BCAR3: variants seen among roughly 807,000 people sequenced by gnomAD.
BCAR3 encodes the protein BCAR3 adaptor protein, NSP family member, also known as breast cancer anti-estrogen resistance protein 3.
A neutral mutation model predicts 80.1 loss-of-function variants in BCAR3; 37 were observed. The ratio of observed to expected loss-of-function variants is 0.46; its 90% CI spans 0.36 to 0.61. The LOEUF (loss-of-function observed/expected upper bound fraction) is 0.61, where lower values mean the gene tolerates loss of function less well. Ranked by LOEUF, BCAR3 falls within the 20% of genes least tolerant of loss-of-function variation. The pLI, the probability that BCAR3 is intolerant of heterozygous loss-of-function variation, is 0.00. For missense variants in BCAR3, 978 were observed against 1,068.2 expected (o/e 0.92, Z 1.18); for synonymous variants, 389 against 418.9 (o/e 0.93, Z 0.87).
chr1:93,755,042 C>T (rs908308185), intron 2 of BCAR3, among the ~76,000 whole-genome samples: 8 of 151,734 alleles, frequency 5.3e-5, no homozygotes, highest in Admixed American at 3.3e-4. Context: ...ATCGTGTGTG[C>T]TTGTGTCTTA....
intron 3 of BCAR3, among the ~76,000 whole-genome samples, chr1:93,604,922 CAGT>C (rs1171456991): frequency 6.6e-6 from 1 of 152,204 alleles, no homozygotes; most frequent in Admixed American, 6.5e-5. Flanking sequence ...TTCTTGACCC[CAGT>C]GAGTTTGCCC....
rs554925002 is a variant in BCAR3, at chr1:93,625,104, G to A, written c.357+17200C>T. 5.3e-5 allele frequency among the ~76,000 whole-genome samples: 8 copies of A among 152,290 alleles called. No homozygotes were observed. In the East Asian group the frequency reaches 5.8e-4, roughly 11 times the overall value. ...CGGGGGCCTGTAGTCCCAGCTACTC[G>A]GGAGGCTGAGGCAGGAGAATGGCGT... is the stretch of plus-strand genomic sequence containing the variant. On this transcript the variant is annotated intron_variant, in intron 3 of 11. Transcript: ENST00000260502.
chr1:93,767,008 G>A (rs887753818), intron 2 of BCAR3, among the ~76,000 whole-genome samples: 1 of 151,800 alleles, frequency 6.6e-6, no homozygotes, highest in African/African-American at 2.4e-5. Flanking sequence ...TTCAATCCTA[G>A]GCAGCAAATG....
chr1:93,752,450 T>C (rs1337535174), intron 2 of BCAR3, among the ~76,000 whole-genome samples: 1 of 152,238 alleles, frequency 6.6e-6, no homozygotes, highest in African/African-American at 2.4e-5. Flanking sequence ...CACCCACGGC[T>C]GCAGACATTT....
intron 2 of BCAR3, among the ~76,000 whole-genome samples, chr1:93,757,852 T>C (rs991233903): frequency 1.3e-5 from 2 of 152,222 alleles, no homozygotes; most frequent in African/African-American, 4.8e-5. Context: ...AAACAGACTT[T>C]GAGAAGGAAA....
intron 2 of BCAR3, among the ~76,000 whole-genome samples, chr1:93,825,988 T>G (rs59444123): frequency 0.092 from 13,950 of 152,190 alleles, 1,304 homozygotes; most frequent in African/African-American, 0.23. Context: ...AGAAGAAAAT[T>G]CTCTAACTCT....
chr1:93,762,193 A>C (rs569453891), intron 2 of BCAR3, among the ~76,000 whole-genome samples: 16 of 152,318 alleles, frequency 1.1e-4, no homozygotes, highest in Non-Finnish European at 2.2e-4. Flanking sequence ...GAAGACAGAC[A>C]CATCTCACTC....
chr1:93,681,149 C>A, intron 1 of BCAR3: 1 of 152,288 alleles, frequency 6.6e-6, no homozygotes, highest in Non-Finnish European at 1.5e-5. Context: ...TCCACCAGAG[C>A]GCTCTGGGCC....
chr1:93,692,905 T>C (rs1649246447), intron 3 of BCAR3, among the ~76,000 whole-genome samples: 1 of 152,136 alleles, frequency 6.6e-6, no homozygotes, highest in African/African-American at 2.4e-5. Flanking sequence ...GTTTCAGACA[T>C]AGGGTCAGAG....
At chr1:93,659,353 T>G (rs935469472) in intron 2 of BCAR3, among the ~76,000 whole-genome samples, 4 of 151,684 alleles carry the variant, frequency 2.6e-5, no homozygotes, top group Admixed American at 6.6e-5. Flanking sequence ...CCTGGCTAAT[T>G]TTTTTATTTT....
At chr1:93,765,596 C>T (rs1407791534) in intron 2 of BCAR3, among the ~76,000 whole-genome samples, 2 of 152,120 alleles carry the variant, frequency 1.3e-5, no homozygotes, top group Non-Finnish European at 2.9e-5. Flanking sequence ...AGTTTCCTCC[C>T]ACTCCCTTTA....
intron 2 of BCAR3, among the ~76,000 whole-genome samples, chr1:93,779,359 A>C (rs1652688899): frequency 6.6e-6 from 1 of 152,216 alleles, no homozygotes; most frequent in Non-Finnish European, 1.5e-5. Flanking sequence ...AGTGGAGAAT[A>C]GGGTAGAGAA....
chr1:93,747,608 C>G (rs559584142), intron 2 of BCAR3, among the ~76,000 whole-genome samples: 1 of 151,648 alleles, frequency 6.6e-6, no homozygotes, highest in South Asian at 2.1e-4. Flanking sequence ...CCTATCAAAA[C>G]AGCCTCCTAG....
chr1:93,724,656 C>G lies in BCAR3; in HGVS notation c.-62-18514G>C, dbSNP rs370651795. Among the ~76,000 whole-genome samples, 269 of 152,286 alleles carry G rather than the reference C, an allele frequency of 1.8e-3. 1 individual carries two copies. Among genetic ancestry groups the G allele is most frequent in the African/African-American group, 6.3e-3 (260 of 41,552 alleles). On this transcript the variant is annotated intron_variant, in intron 2 of 13. Transcript: ENST00000370244. ...CCACCCAGCCTGGTGTCCAAGGACT[C>G]TCATCTGGGAAAGGTCCCATCTAGT...
intron 1 of BCAR3, among the ~76,000 whole-genome samples, chr1:93,680,294 T>C (rs74101663): frequency 0.015 from 2,348 of 152,334 alleles, 64 homozygotes; most frequent in African/African-American, 0.052. Flanking sequence ...ATCCTGGAAA[T>C]GCCAGCCTTC....
rs191994685 is a variant in BCAR3, at chr1:93,838,239, G to A, written c.-63+7328C>T. ...GTTCAAGGGCATGGCCCTGCTTCCC[G>A]CAAGGGCTTTTGTGCTGCATCACAA... On this transcript the variant is annotated intron_variant, in intron 2 of 13. Coordinates refer to the BCAR3 transcript ENST00000370244. 5.9e-5 allele frequency among the ~76,000 whole-genome samples: 9 copies of A among 152,314 alleles called. No homozygotes were observed. In the East Asian group the frequency reaches 1.2e-3, roughly 20 times the overall value.
chr1:93,717,680 A>G (rs1340078615), intron 2 of BCAR3, among the ~76,000 whole-genome samples: 2 of 149,722 alleles, frequency 1.3e-5, no homozygotes, highest in African/African-American at 5.0e-5. Flanking sequence ...GTGAGCCGAG[A>G]TCGTGCCGCT....
At chr1:93,766,888 G>A (rs1427105655) in intron 2 of BCAR3, among the ~76,000 whole-genome samples, 1 of 152,202 alleles carries the variant, frequency 6.6e-6, no homozygotes. Context: ...AAAGATGGCT[G>A]AGATAAAAAT....
intron 2 of BCAR3, among the ~76,000 whole-genome samples, chr1:93,670,827 A>G (rs533540655): frequency 2.6e-5 from 4 of 152,318 alleles, no homozygotes; most frequent in East Asian, 3.9e-4. Flanking sequence ...TCATGTTATA[A>G]TTATTGGGAT....
Sources: gnomAD v4.1 joint callset for allele counts (sites outside exome capture counted in the v4.1 genomes callset) on GRCh38, gnomAD v4.1.1 for gene constraint, MANE v1.5 for transcripts, NCBI Gene and HGNC (gene_info 2026-07-23, HGNC 2026-07-21) for gene names.